The following CLHC1 variants were observed in gnomAD, a reference collection of about 807,000 sequenced individuals.
CLHC1 encodes the protein clathrin heavy chain linker domain containing 1, also known as clathrin heavy chain linker domain-containing protein 1.
Under a neutral mutation model 69.5 loss-of-function variants are expected in CLHC1, and 72 were observed. The ratio of observed to expected loss-of-function variants is 1.04; its 90% CI spans 0.86 to 1.26. The LOEUF is 1.26. Ranked by LOEUF, CLHC1 falls within the 50% of genes most tolerant of loss-of-function variation. The pLI is 0.00. For synonymous variants in CLHC1, 223 were observed against 224.3 expected (o/e 0.99, Z 0.05); for missense variants, 790 against 679.3 (o/e 1.16, Z -1.81).
At chr2:55,224,624 G>T (rs1437807238) in intron 2 of CLHC1, 1 of 254,492 alleles carries the variant, frequency 3.9e-6, no homozygotes, top group Non-Finnish European at 8.0e-6. Flanking sequence ...AGGAACCCCC[G>T]CAGTGCGGCG....
intron 1 of CLHC1, among the ~76,000 whole-genome samples, chr2:55,231,156 A>T (rs1192032560): frequency 5.3e-5 from 8 of 152,072 alleles, no homozygotes; most frequent in Non-Finnish European, 1.5e-5. Flanking sequence ...AGGCTGAGGC[A>T]GAAGAATTGC....
chr2:55,231,241 T>C (rs541637186), intron 1 of CLHC1, among the ~76,000 whole-genome samples: 4 of 148,160 alleles, frequency 2.7e-5, no homozygotes, highest in Non-Finnish European at 5.9e-5. Flanking sequence ...CAGAGCGAAA[T>C]TCCGTCTCAC....
intron 9 of CLHC1, among the ~76,000 whole-genome samples, chr2:55,193,247 A>G (rs1237346001): frequency 6.6e-6 from 1 of 152,184 alleles, no homozygotes; most frequent in Non-Finnish European, 1.5e-5. Context: ...ACAAAAGGCA[A>G]AGCCATAAAA....
intron 11 of CLHC1, among the ~76,000 whole-genome samples, chr2:55,179,382 T>C (rs964116253): frequency 2.6e-5 from 4 of 151,804 alleles, no homozygotes; most frequent in African/African-American, 4.8e-5. Context: ...AGTGAGATAA[T>C]CCATGAAAAA....
chr2:55,208,809 G>A lies in CLHC1; in HGVS notation c.815-99C>T, dbSNP rs1017025968. ...TTTAATACCAACAGCTTATTGCTATGGCTCCTAACAGCAGCAACCTCTTCC... is the reference window on the plus strand; with the variant it reads ...TTTAATACCAACAGCTTATTGCTATAGCTCCTAACAGCAGCAACCTCTTCC... On this transcript the variant is annotated intron_variant, in intron 7 of 12. Coordinates refer to ENST00000401408, the MANE Select transcript of CLHC1 (RefSeq NM_152385.4). The A allele has an allele frequency of 2.8e-5, 20 of 720,250 alleles. No individual in the cohort carries two copies. In the African/African-American group the frequency reaches 3.4e-4, roughly 12 times the overall value. The allele number at this position is 720,250 out of a possible 1,614,324, so 44.6% of individuals were successfully genotyped here. A position where few individuals can be genotyped will look rare whatever the true frequency, so the allele number is the denominator to read the frequency against.
intron 12 of CLHC1, among the ~76,000 whole-genome samples, chr2:55,176,737 T>A (rs867438832): frequency 6.6e-6 from 1 of 152,206 alleles, no homozygotes; most frequent in African/African-American, 2.4e-5. Flanking sequence ...TATATGAAAA[T>A]ATTTTAGTTG....
chr2:55,174,298 T>C lies in CLHC1; in HGVS notation c.*1492A>G, dbSNP rs894763438. 3.9e-5 allele frequency among the ~76,000 whole-genome samples: 6 copies of C among 152,210 alleles called. No homozygotes were observed. Among genetic ancestry groups the C allele is most frequent in the South Asian group, 4.1e-4 (2 of 4,830 alleles). ...GGAAAAATTAAAAACTCAGCTTGAA[T>C]GCTTCTGAATTTATAAGATAAGCCA... On this transcript the variant is annotated 3_prime_UTR_variant, in exon 13 of 13. Coordinates refer to ENST00000401408, the MANE Select transcript of CLHC1 (RefSeq NM_152385.4).
chr2:55,196,222 G>A (rs1671401373), intron 9 of CLHC1, among the ~76,000 whole-genome samples: 1 of 152,204 alleles, frequency 6.6e-6, no homozygotes, highest in Non-Finnish European at 1.5e-5. Flanking sequence ...AGGCTCAAGT[G>A]CTTTGGGGTC....
intron 7 of CLHC1, 90 bp from the exon 8 acceptor site, chr2:55,208,800 T>A (rs1672687949): frequency 1.2e-6 from 1 of 829,130 alleles, no homozygotes; most frequent in Admixed American, 1.9e-5. Context: ...ACCAACAGCT[T>A]ATTGCTATGG....
intron 10 of CLHC1, among the ~76,000 whole-genome samples, chr2:55,181,200 T>C (rs1318350143): frequency 1.3e-5 from 2 of 152,140 alleles, no homozygotes; most frequent in Non-Finnish European, 2.9e-5. Context: ...AGGCTGGTCT[T>C]GAACTCCTGA....
At chr2:55,206,240 C>A in intron 9 of CLHC1, 30 bp downstream of exon 9, 1 of 1,263,908 alleles carries the variant, frequency 7.9e-7, no homozygotes, top group Non-Finnish European at 1.1e-6. Context: ...AATTTTCATA[C>A]ATATATAAGG....
intron 9 of CLHC1, among the ~76,000 whole-genome samples, chr2:55,182,614 G>A (rs921050315): frequency 1.3e-5 from 2 of 152,088 alleles, no homozygotes; most frequent in African/African-American, 2.4e-5. Context: ...GAGAACTACT[G>A]GATATGGATG....
At chr2:55,220,564 A>C (rs1674012252) in intron 3 of CLHC1, among the ~76,000 whole-genome samples, 1 of 152,178 alleles carries the variant, frequency 6.6e-6, no homozygotes, top group South Asian at 2.1e-4. Flanking sequence ...GGGACCATAT[A>C]TGTCAATATT....
chr2:55,178,335 A>T (rs1309035716), intron 11 of CLHC1, among the ~76,000 whole-genome samples: 2 of 152,372 alleles, frequency 1.3e-5, no homozygotes, highest in Admixed American at 6.5e-5. Context: ...TTAAGAAGCC[A>T]GTAGCTATTT....
rs774103113 is a variant in CLHC1 at position 55,180,564 on chromosome 2, C to G, written c.1330G>C (p.Gly444Arg). 5 of 1,613,956 alleles carry G rather than the reference C, an allele frequency of 3.1e-6. No homozygotes were observed. In the Admixed American group the frequency reaches 8.3e-5, roughly 27 times the overall value. The change falls in exon 11 of 13, where the codon GGT becomes CGT. Residue 444 changes from glycine (G) to arginine (R), a missense_variant. By Grantham distance (125) the Gly-to-Arg change is moderately radical. Coordinates refer to ENST00000401408, the MANE Select transcript of CLHC1 (RefSeq NM_152385.4). ...TACTCCATGACCCTATGAGTCTGACCCTGTTTACACAAGCAAAGAATAGCT... is the reference window on the plus strand; with the variant it reads ...TACTCCATGACCCTATGAGTCTGACGCTGTTTACACAAGCAAAGAATAGCT... The part of the protein sequence containing the change: ...KKAILCLCKQ[G>R]QTHRVMEYIQ...
At position 55,217,563 on chromosome 2, in the gene CLHC1, A is replaced by ATATG. The variant is rs1553356851; in HGVS notation, c.365+247_365+248insCATA. Among the ~76,000 whole-genome samples, 348 of 95,568 alleles carry ATATG rather than the reference A, an allele frequency of 3.6e-3. 2 individuals are homozygous for ATATG. The highest frequency in any genetic ancestry group is 5.3e-3 in the South Asian group (16 of 3,002). The allele number at this position is 95,568 out of a possible 152,430, so 62.7% of individuals were successfully genotyped here. On this transcript the variant is annotated intron_variant, in intron 4 of 12. Coordinates refer to ENST00000401408, the MANE Select transcript of CLHC1 (RefSeq NM_152385.4). Reference sequence around the variant, plus strand: ...AAAAAAAAAAAAAAAATATATATATATATATATATATATATATATATACTA... The same window carrying ATATG: ...AAAAAAAAAAAAAAAATATATATATATATGTATATATATATATATATATATACTA...
Position 55,177,616 on chromosome 2 carries a change from T to C in CLHC1, c.1550A>G (p.Asn517Ser), listed in dbSNP as rs141158674. 9.4e-5 allele frequency: 150 copies of C among 1,603,804 alleles called. No individual in the cohort carries two copies. Among genetic ancestry groups the C allele is most frequent in the African/African-American group, 4.7e-4 (35 of 74,732 alleles). Residue 517 changes from asparagine (N) to serine (S), a missense_variant, in exon 12 of 13, where the codon AAT (asparagine) becomes AGT (serine). Physicochemically the swap from Asn to Ser is conservative, Grantham distance 46. Transcript: ENST00000401408. ...KVGIKLLQEI[N>S]KGGIDAVESL... ...ATTCTACTTACCTATCCCACCTTTA[T>C]TGATTTCTTGAAGTAGCTTAATGCC...
intron 11 of CLHC1, among the ~76,000 whole-genome samples, chr2:55,178,112 T>TA (rs890031242): frequency 6.6e-6 from 1 of 152,224 alleles, no homozygotes; most frequent in Non-Finnish European, 1.5e-5. Flanking sequence ...ATCAGTCACT[T>TA]ACTCTTTTGG....
chr2:55,223,645 C>A (rs1209941668), intron 2 of CLHC1, among the ~76,000 whole-genome samples: 1 of 151,830 alleles, frequency 6.6e-6, no homozygotes, highest in East Asian at 1.9e-4. Flanking sequence ...GGAGGGCGCG[C>A]GGAGGCTCGC....
Sources: gnomAD v4.1 joint callset for allele counts (sites outside exome capture counted in the v4.1 genomes callset) on GRCh38, gnomAD v4.1.1 for gene constraint, MANE v1.5 for transcripts, NCBI Gene and HGNC (gene_info 2026-07-23, HGNC 2026-07-21) for gene names.